The following COG6 variants were observed in gnomAD, a reference collection of about 807,000 sequenced individuals.
COG6 encodes the protein component of oligomeric golgi complex 6.
COG6 carries 74 observed loss-of-function variants against 88.8 expected under a neutral mutation model. The ratio of observed to expected loss-of-function variants is 0.83; its 90% CI spans 0.69 to 1.01. COG6 has a LOEUF of 1.01. Among genes scored for constraint, COG6 ranks in the 50% least tolerant of loss-of-function variants. COG6 has a pLI of 0.00. For missense variants in COG6, 800 were observed against 797.9 expected (o/e 1.00, Z -0.03); for synonymous variants, 286 against 278.7 (o/e 1.03, Z -0.26).
At chr13:39,704,650 G>C (rs539829011) in intron 13 of COG6, among the ~76,000 whole-genome samples, 2 of 152,228 alleles carry the variant, frequency 1.3e-5, no homozygotes, top group Admixed American at 1.3e-4. Flanking sequence ...TGTTGTTTAA[G>C]GGTCATCTGT....
At chr13:39,690,682 G>A (rs190264477) in intron 11 of COG6, among the ~76,000 whole-genome samples, 1 of 151,398 alleles carries the variant, frequency 6.6e-6, no homozygotes, top group Non-Finnish European at 1.5e-5. Flanking sequence ...TGTTTTTTTG[G>A]TATATGCTTC....
In COG6 at chr13:39,762,982, G is replaced by C. The variant is rs1881066859; in HGVS notation, c.1827-25353G>C. Among the ~76,000 whole-genome samples, 3 of 151,652 alleles carry C rather than the reference G, an allele frequency of 2.0e-5. No individual in the cohort carries two copies. The South Asian group carries it at 6.2e-4, about 31-fold the overall frequency. On this transcript the variant is annotated intron_variant, in intron 18 of 18. Coordinates refer to the COG6 transcript ENST00000416691. ...AAGTTATTTTGTATTCTCACATGCT[G>C]TTATTAATTATGAATGGACGTTGAA...
chr13:39,699,062 A>G (rs899462705), intron 12 of COG6, among the ~76,000 whole-genome samples: 1 of 151,878 alleles, frequency 6.6e-6, no homozygotes, highest in African/African-American at 2.4e-5. Flanking sequence ...TTGATATAGT[A>G]TAACAGTTTT....
At chr13:39,709,923 T>G (rs1308749490) in intron 13 of COG6, among the ~76,000 whole-genome samples, 1 of 152,226 alleles carries the variant, frequency 6.6e-6, no homozygotes, top group East Asian at 1.9e-4. Flanking sequence ...GGTCATAAAT[T>G]ACATGACCAT....
In COG6 at chr13:39,782,043, A is replaced by T. The variant is rs144454566; in HGVS notation, c.1827-6292A>T. Reference sequence around the variant, plus strand: ...GAGATGATAGCATTCATTGATTTTAAATCTAAATCTGAAAATATCTACAGA... The same window carrying T: ...GAGATGATAGCATTCATTGATTTTATATCTAAATCTGAAAATATCTACAGA... On this transcript the variant is annotated intron_variant, in intron 18 of 18. Coordinates refer to the COG6 transcript ENST00000416691. Among the ~76,000 whole-genome samples the T allele has an allele frequency of 8.5e-5, 13 of 152,302 alleles. 1 individual carries two copies. The East Asian group carries it at 2.5e-3, about 29-fold the overall frequency.
intron 18 of COG6, among the ~76,000 whole-genome samples, chr13:39,733,254 G>A (rs553876796): frequency 1.6e-3 from 233 of 149,324 alleles, no homozygotes; most frequent in African/African-American, 5.2e-3. Flanking sequence ...GGAGCGGCGC[G>A]ATCTTGGCTC....
intron 18 of COG6, among the ~76,000 whole-genome samples, chr13:39,779,606 C>T (rs1341254635): frequency 6.6e-6 from 1 of 152,184 alleles, no homozygotes; most frequent in African/African-American, 2.4e-5. Context: ...ACCCAGGGTC[C>T]TGCTGAAATC....
chr13:39,746,036 G>A (rs1489421632), intron 18 of COG6, among the ~76,000 whole-genome samples: 2 of 151,800 alleles, frequency 1.3e-5, no homozygotes, highest in African/African-American at 4.8e-5. Context: ...TGAACAATGA[G>A]AACACTTGAA....
At chr13:39,736,220 A>T in intron 18 of COG6, among the ~76,000 whole-genome samples, 1 of 149,742 alleles carries the variant, frequency 6.7e-6, no homozygotes, top group South Asian at 2.1e-4. Flanking sequence ...GTCTCCTCTT[A>T]CTGTGTATTT....
chr13:39,660,305 C>T (rs1339459880), intron 2 of COG6, among the ~76,000 whole-genome samples: 1 of 152,164 alleles, frequency 6.6e-6, no homozygotes. Context: ...ACGCAATTCT[C>T]CCACCTCAGT....
At chr13:39,783,581 C>T (rs1414327174) in intron 18 of COG6, among the ~76,000 whole-genome samples, 1 of 152,128 alleles carries the variant, frequency 6.6e-6, no homozygotes, top group Admixed American at 6.5e-5. Flanking sequence ...GGCAGTATTA[C>T]TAATGTGCTT....
At chr13:39,778,019 C>G (rs1473820285) in intron 18 of COG6, among the ~76,000 whole-genome samples, 1 of 152,194 alleles carries the variant, frequency 6.6e-6, no homozygotes, top group Admixed American at 6.5e-5. Flanking sequence ...AAGAGTCAAT[C>G]TTCTGAGAGT....
chr13:39,662,820 A>T (rs1874992300), intron 3 of COG6, among the ~76,000 whole-genome samples: 1 of 152,150 alleles, frequency 6.6e-6, no homozygotes, highest in Non-Finnish European at 1.5e-5. Context: ...TGGATATAGC[A>T]CTATTGGAAT....
chr13:39,732,085 ATCT>A (rs1451636397), intron 18 of COG6, among the ~76,000 whole-genome samples: 1 of 152,154 alleles, frequency 6.6e-6, no homozygotes. Flanking sequence ...TTGACGGTGA[ATCT>A]TCTTCACTCA....
chr13:39,719,178 A>G lies in COG6; in HGVS notation c.1285-58A>G, dbSNP rs568032364. On this transcript the variant is annotated intron_variant, in intron 13 of 18. Coordinates refer to ENST00000455146, the MANE Select transcript of COG6 (RefSeq NM_020751.3). ...TTTTTTTTACTATGAACTTACATTT[A>G]TACATTAAAATTTAGTGGAAAAAAT... 1.2e-3 allele frequency: 1,870 copies of G among 1,547,950 alleles called. 45 individuals carry two copies. The South Asian group carries it at 0.02, about 16-fold the overall frequency.
downstream of COG6, among the ~76,000 whole-genome samples, chr13:39,756,594 C>G (rs544184116): frequency 5.0e-4 from 76 of 152,088 alleles, no homozygotes; most frequent in African/African-American, 1.7e-3. Context: ...CTGTTATAAG[C>G]CAAAGGCTAA....
intron 18 of COG6, among the ~76,000 whole-genome samples, chr13:39,758,191 GC>G (rs1351825950): frequency 3.5e-5 from 5 of 143,962 alleles, no homozygotes; most frequent in Admixed American, 7.4e-5. Context: ...CTGCACTTCG[GC>G]CTGGCGACAG....
intron 18 of COG6, among the ~76,000 whole-genome samples, chr13:39,776,331 C>A (rs941582296): frequency 2.6e-5 from 4 of 152,116 alleles, no homozygotes; most frequent in African/African-American, 9.7e-5. Context: ...CCAATTTTAT[C>A]CAAAGAATAA....
At chr13:39,765,570 CA>C (rs1471453127) in intron 18 of COG6, among the ~76,000 whole-genome samples, 2 of 152,154 alleles carry the variant, frequency 1.3e-5, no homozygotes, top group African/African-American at 4.8e-5. Flanking sequence ...GCAAGTATGT[CA>C]GATTGATTTC....
Sources: allele counts gnomAD v4.1 joint callset (sites outside exome capture counted in the v4.1 genomes callset), GRCh38; gene constraint gnomAD v4.1.1; transcripts MANE v1.5; gene names NCBI Gene and HGNC (gene_info 2026-07-23, HGNC 2026-07-21).